SPATA13: variants seen among roughly 807,000 people sequenced by gnomAD.
The protein encoded by SPATA13 is spermatogenesis-associated protein 13.
Under a neutral mutation model 104.0 loss-of-function variants are expected in SPATA13, and 50 were observed. The ratio of observed to expected loss-of-function variants is 0.48; its 90% CI spans 0.38 to 0.61. SPATA13 has a LOEUF of 0.61. SPATA13 is among the 20% of genes least tolerant of loss of function. The probability of loss-of-function intolerance (pLI) is 0.00; values close to 1 mark genes in which losing one functional copy is unlikely to be tolerated. For missense variants in SPATA13, 1,524 were observed against 1,690.6 expected (o/e 0.90, Z 1.73); for synonymous variants, 606 against 667.5 (o/e 0.91, Z 1.42).
intron 3 of SPATA13, among the ~76,000 whole-genome samples, chr13:24,105,317 G>A (rs957203653): frequency 2.6e-5 from 4 of 152,020 alleles, no homozygotes; most frequent in East Asian, 3.9e-4. Flanking sequence ...TGTATTTTGG[G>A]GGGTAGAGAC....
rs1007348985 is a variant in SPATA13 at position 24,301,406 on chromosome 13, A to G, written c.3658+931A>G. On this transcript the variant is annotated intron_variant, in intron 12 of 12. Transcript: ENST00000382108. ...AATGCAGAATTTCTTTTCCCCACTAAGTTACAAATATCTTTAAGGCAGAAA... is the reference window on the plus strand; with the variant it reads ...AATGCAGAATTTCTTTTCCCCACTAGGTTACAAATATCTTTAAGGCAGAAA... Among the ~76,000 whole-genome samples the G allele has an allele frequency of 2.6e-5, 4 of 152,282 alleles. No homozygotes were observed. In the South Asian group the frequency reaches 8.3e-4, roughly 32 times the overall value.
rs532684326 is a variant in SPATA13 at position 24,001,192 on chromosome 13, C to T, written c.-146-16475C>T. Reference sequence around the variant, plus strand: ...ACAGCCACATTACATTTTAAGGTTACAGTAGAGCAGAAGTAGTCACATATA... The same window carrying T: ...ACAGCCACATTACATTTTAAGGTTATAGTAGAGCAGAAGTAGTCACATATA... On this transcript the variant is annotated intron_variant, in intron 2 of 14. Transcript: ENST00000424834. 1.5e-4 allele frequency among the ~76,000 whole-genome samples: 23 copies of T among 152,268 alleles called. No homozygotes were observed. The South Asian group carries it at 2.3e-3, about 15-fold the overall frequency.
chr13:24,021,072 A>G (rs1295270431), intron 3 of SPATA13, among the ~76,000 whole-genome samples: 1 of 152,208 alleles, frequency 6.6e-6, no homozygotes, highest in Non-Finnish European at 1.5e-5. Context: ...GCTCATAAAC[A>G]TGTGCATGTC....
intron 4 of SPATA13, among the ~76,000 whole-genome samples, chr13:24,277,999 G>A (rs1235928358): frequency 6.6e-6 from 1 of 152,172 alleles, no homozygotes; most frequent in Non-Finnish European, 1.5e-5. Flanking sequence ...AAAGTAGTTA[G>A]GGTGGTGAAG....
At chr13:24,198,192 A>G (rs376626648) in intron 1 of SPATA13, among the ~76,000 whole-genome samples, 2 of 152,088 alleles carry the variant, frequency 1.3e-5, no homozygotes, top group East Asian at 3.9e-4. Context: ...ACGGGGTTTC[A>G]CTGTGTTGGC....
At chr13:24,287,095 T>G in intron 7 of SPATA13, 145 bp downstream of exon 7, 1 of 679,534 alleles carries the variant, frequency 1.5e-6, no homozygotes, top group East Asian at 2.9e-5. Context: ...TCTGCACTGC[T>G]AAGTCTGAGT....
chr13:24,103,395 G>A (rs1880318962), intron 3 of SPATA13, among the ~76,000 whole-genome samples: 1 of 150,896 alleles, frequency 6.6e-6, no homozygotes, highest in Non-Finnish European at 1.5e-5. Flanking sequence ...TGAGGTGGGA[G>A]GATGGCTTGG....
rs137928642 is a variant in SPATA13 at position 24,061,039 on chromosome 13, G to T, written c.-112+43338G>T. Among the ~76,000 whole-genome samples, 680 of 152,102 alleles carry T rather than the reference G, an allele frequency of 4.5e-3. 8 individuals carry two copies. Among genetic ancestry groups the T allele is most frequent in the African/African-American group, 0.016 (655 of 41,492 alleles). On this transcript the variant is annotated intron_variant, in intron 3 of 14. Transcript: ENST00000424834. Reference sequence around the variant, plus strand: ...GGGCAACAAAGCAAGACTCTGCCCCGCACCCCCCAAAAAGTGGGCAAATGA... The same window carrying T: ...GGGCAACAAAGCAAGACTCTGCCCCTCACCCCCCAAAAAGTGGGCAAATGA...
chr13:24,248,493 C>T (rs1216435752), intron 2 of SPATA13, among the ~76,000 whole-genome samples: 1 of 152,178 alleles, frequency 6.6e-6, no homozygotes, highest in East Asian at 1.9e-4. Context: ...GAAGGTGATG[C>T]CTCATTTAGG....
intron 1 of SPATA13, among the ~76,000 whole-genome samples, chr13:24,164,541 C>T (rs1424873782): frequency 6.6e-6 from 1 of 152,158 alleles, no homozygotes; most frequent in African/African-American, 2.4e-5. Context: ...AGGGAGGAAG[C>T]ATTTGCGTGA....
At chr13:24,115,747 T>A (rs1444215082) in intron 3 of SPATA13, among the ~76,000 whole-genome samples, 1 of 152,166 alleles carries the variant, frequency 6.6e-6, no homozygotes, top group African/African-American at 2.4e-5. Context: ...TCTCAGTGGG[T>A]TGTGATCAAG....
intron 1 of SPATA13, among the ~76,000 whole-genome samples, chr13:23,981,078 G>T (rs1268446384): frequency 6.6e-6 from 1 of 152,078 alleles, no homozygotes; most frequent in Non-Finnish European, 1.5e-5. Flanking sequence ...ATATAAAGCC[G>T]GTAGCAGTAC....
chr13:24,184,641 C>A (rs1174906175), intron 1 of SPATA13, among the ~76,000 whole-genome samples: 1 of 152,114 alleles, frequency 6.6e-6, no homozygotes, highest in Non-Finnish European at 1.5e-5. Flanking sequence ...ACTCACTAAT[C>A]ACAGTGAGGA....
chr13:24,193,521 T>C (rs1413612872), intron 1 of SPATA13, among the ~76,000 whole-genome samples: 3 of 152,000 alleles, frequency 2.0e-5, no homozygotes, highest in African/African-American at 7.3e-5. Context: ...GAATGGGTGA[T>C]GTGGTGGTCG....
chr13:24,281,898 A>G (rs1212744016), intron 4 of SPATA13, among the ~76,000 whole-genome samples: 2 of 152,154 alleles, frequency 1.3e-5, no homozygotes, highest in African/African-American at 4.8e-5. Context: ...GTGCATCACC[A>G]GTGCATGAGC....
At chr13:24,155,099 C>T (rs1295718046) in intron 3 of SPATA13, among the ~76,000 whole-genome samples, 1 of 152,212 alleles carries the variant, frequency 6.6e-6, no homozygotes, top group Non-Finnish European at 1.5e-5. Context: ...CCACCTGCCT[C>T]AGCCTCCCAA....
At chr13:24,291,556 G>A (rs1447304195) in intron 9 of SPATA13, among the ~76,000 whole-genome samples, 1 of 152,114 alleles carries the variant, frequency 6.6e-6, no homozygotes, top group East Asian at 1.9e-4. Flanking sequence ...CCGACTCTCT[G>A]GTCTTCTCCC....
At chr13:24,162,880 G>C (rs1314506201) in intron 1 of SPATA13, among the ~76,000 whole-genome samples, 53 of 152,216 alleles carry the variant, frequency 3.5e-4, no homozygotes, top group Admixed American at 3.5e-3. Context: ...GGCATGCCTG[G>C]AGTTTAGCTT....
At chr13:24,130,554 C>T (rs1437268994) in intron 3 of SPATA13, among the ~76,000 whole-genome samples, 2 of 152,206 alleles carry the variant, frequency 1.3e-5, no homozygotes, top group Admixed American at 1.3e-4. Context: ...TGTTTAGCGT[C>T]ATGGGAACAA....
Sources: gnomAD v4.1 joint callset for allele counts (sites outside exome capture counted in the v4.1 genomes callset) on GRCh38, gnomAD v4.1.1 for gene constraint, MANE v1.5 for transcripts, NCBI Gene and HGNC (gene_info 2026-07-23, HGNC 2026-07-21) for gene names.